The following NUP98 variants were observed in gnomAD, a reference collection of about 807,000 sequenced individuals.
NUP98 encodes the protein nuclear pore complex protein Nup98-Nup96.
NUP98 carries 26 observed loss-of-function variants against 191.9 expected under a neutral mutation model. That is an observed-to-expected ratio of 0.14 (90% CI 0.10 to 0.19). The LOEUF (loss-of-function observed/expected upper bound fraction) is 0.19, where lower values mean the gene tolerates loss of function less well. Ranked by LOEUF, NUP98 falls within the 10% of genes least tolerant of loss-of-function variation. The pLI, the probability that NUP98 is intolerant of heterozygous loss-of-function variation, is 1.00. For synonymous variants in NUP98, 808 were observed against 778.4 expected (o/e 1.04, Z -0.63); for missense variants, 1,941 against 2,178.8 (o/e 0.89, Z 2.17).
intron 12 of NUP98, among the ~76,000 whole-genome samples, chr11:3,740,643 A>C (rs117288718): frequency 0.05 from 7,679 of 152,094 alleles, 254 homozygotes; most frequent in Middle Eastern, 0.096. Flanking sequence ...GAGAAGGGCA[A>C]CTACTGTGGT....
rs368452529 is a variant in NUP98, at chr11:3,677,131, T to A, written c.5074-511A>T. On this transcript the variant is annotated intron_variant, in intron 31 of 32. Coordinates refer to ENST00000324932, the MANE Select transcript of NUP98 (RefSeq NM_016320.5). ...TAAGAAAACACAAAACAGTAATAAA[T>A]CCTGAAAAATCACAAGCCATGTAGA... is the stretch of plus-strand genomic sequence containing the variant. Among the ~76,000 whole-genome samples, 35 of 152,170 alleles carry A rather than the reference T, an allele frequency of 2.3e-4. No individual in the cohort carries two copies. In the South Asian group the frequency reaches 6.6e-3, roughly 29 times the overall value.
chr11:3,776,082 C>T, intron 4 of NUP98, 61 bp from the exon 5 acceptor site: 1 of 1,302,914 alleles, frequency 7.7e-7, no homozygotes, highest in Admixed American at 2.0e-5. Context: ...GTATAAGATG[C>T]ATTGGAATTG....
intron 14 of NUP98, among the ~76,000 whole-genome samples, chr11:3,729,949 T>C (rs1224598770): frequency 2.6e-5 from 4 of 152,080 alleles, no homozygotes; most frequent in Middle Eastern, 3.4e-3. Flanking sequence ...GTATATAAAA[T>C]GCTAGGACAA....
At chr11:3,701,845 C>T (rs2078689707) in intron 23 of NUP98, among the ~76,000 whole-genome samples, 1 of 151,856 alleles carries the variant, frequency 6.6e-6, no homozygotes, top group East Asian at 2.0e-4. Context: ...GCCACAACGC[C>T]CAGCTAATTT....
chr11:3,775,983 T>C lies in NUP98; in HGVS notation c.394A>G (p.Thr132Ala), dbSNP rs1277102942. 1 of 1,613,684 alleles carries C rather than the reference T, an allele frequency of 6.2e-7. No homozygotes were observed. Among genetic ancestry groups the C allele is most frequent in the South Asian group, 1.1e-5 (1 of 91,064 alleles). ...AAAGGATTAGAGGTGGTATTTGTGG[T>C]TCCAAAGAGTCCTCCACTGCTAGTA... ...TSTSSGGLFG[T>A]TNTTSNPFGS... The change falls in exon 5 of 33, where the codon ACC (threonine) becomes GCC (alanine). Residue 132 changes from threonine (T) to alanine (A), a missense_variant. Physicochemically the swap from Thr to Ala is moderately conservative, Grantham distance 58. This residue lies in a region of NUP98 where 154 missense variants were observed against 182.9 expected (regional missense o/e 0.84). Transcript: ENST00000324932.
intron 11 of NUP98, among the ~76,000 whole-genome samples, chr11:3,749,605 CGA>C (rs1274995428): frequency 6.6e-6 from 1 of 151,936 alleles, no homozygotes; most frequent in East Asian, 1.9e-4. Context: ...AGCCTGGCAA[CGA>C]GAGAAACTCG....
intron 30 of NUP98, 76 bp from the exon 31 acceptor site, chr11:3,679,784 GA>G: frequency 1.4e-6 from 2 of 1,405,016 alleles, no homozygotes; most frequent in Non-Finnish European, 1.9e-6. Context: ...ATGGCAGGAA[GA>G]CAGAAAGGAA....
Position 3,782,218 on chromosome 11 carries a change from A to G in NUP98, c.-28-73T>C. 6 of 828,980 alleles carry G rather than the reference A, an allele frequency of 7.2e-6. No individual in the cohort carries two copies. The South Asian group carries it at 8.4e-5, about 12-fold the overall frequency. 51.4% of individuals were successfully genotyped at this position (828,980 alleles called of 1,614,324 possible). On this transcript the variant is annotated intron_variant, in intron 1 of 32. Coordinates refer to ENST00000324932, the MANE Select transcript of NUP98 (RefSeq NM_016320.5). ...ATATAATTGTTTTAGAAAATCTATC[A>G]TTCCACAAACTTAGGCCTATTCGAA...
Position 3,702,459 on chromosome 11 carries a change from T to G in NUP98, c.3512+4A>C. On this transcript the variant is annotated splice_donor_region_variant and intron_variant, in intron 23 of 32. Transcript: ENST00000324932. ...CTCAAAAAGCATCAAGAAATGTGAC[T>G]CACGGTTTAACAGCTACTGGATTGG... 1 of 1,609,540 alleles carries G rather than the reference T, an allele frequency of 6.2e-7. No homozygotes were observed. The highest frequency in any genetic ancestry group is 8.5e-7 in the Non-Finnish European group (1 of 1,176,896).
Position 3,676,101 on chromosome 11 carries a change from C to G in NUP98, c.*58G>C, listed in dbSNP as rs2077799014. 6.6e-7 allele frequency: 1 copy of G among 1,524,426 alleles called. No individual in the cohort carries two copies. Among genetic ancestry groups the G allele is most frequent in the African/African-American group, 1.4e-5 (1 of 73,174 alleles). 94.4% of individuals were successfully genotyped at this position (1,524,426 alleles called of 1,614,324 possible). ...GCAAACAGTGCCAATCCAAACAAGG[C>G]AGGGAACCTCTGTGTGGTGTGAATG... On this transcript the variant is annotated 3_prime_UTR_variant, in exon 33 of 33. Transcript: ENST00000324932.
chr11:3,795,594 G>A (rs1248567953), intron 1 of NUP98, among the ~76,000 whole-genome samples: 1 of 151,984 alleles, frequency 6.6e-6, no homozygotes, highest in Non-Finnish European at 1.5e-5. Flanking sequence ...ATTCATTCAA[G>A]TAAACACACT....
intron 22 of NUP98, among the ~76,000 whole-genome samples, chr11:3,704,405 T>A (rs276899): frequency 0.22 from 33,156 of 152,122 alleles, 3,752 homozygotes; most frequent in East Asian, 0.26. Flanking sequence ...ATCAAATATG[T>A]AATCACTTCC....
rs551511906 is a variant in NUP98 at position 3,699,237 on chromosome 11, C to T, written c.3854G>A (p.Arg1285Gln). 41 of 1,614,148 alleles carry T rather than the reference C, an allele frequency of 2.5e-5. No individual in the cohort carries two copies. The highest frequency in any genetic ancestry group is 6.7e-5 in the Admixed American group (4 of 60,008). The stretch of plus-strand genomic sequence containing the variant: ...TAGCCAGCGGGAGAAAGCTCTTCTT[C>T]GCTCCAGAATTTGAATGTATTCACG... ...EPREYIQILERRRAFSRWLSC... is the reference protein window; with the variant it reads ...EPREYIQILEQRRAFSRWLSC... The change falls in exon 25 of 33, where the codon CGA becomes CAA. Residue 1285 changes from arginine (R) to glutamine (Q), a missense_variant. Coordinates refer to ENST00000324932, the MANE Select transcript of NUP98 (RefSeq NM_016320.5).
chr11:3,703,253 G>A (rs1203385353), intron 22 of NUP98, among the ~76,000 whole-genome samples: 1 of 141,978 alleles, frequency 7.0e-6, no homozygotes, highest in Non-Finnish European at 1.5e-5. Flanking sequence ...GTCTCGCCCT[G>A]TAGCCCAGGC....
intron 11 of NUP98, among the ~76,000 whole-genome samples, chr11:3,746,269 C>CA (rs66773761): frequency 0.014 from 463 of 33,730 alleles, 17 homozygotes; most frequent in African/African-American, 0.019. Flanking sequence ...AACTTTATCT[C>CA]AAAAAAAAAA....
intron 18 of NUP98, among the ~76,000 whole-genome samples, chr11:3,715,303 CA>C (rs1277179902): frequency 2.0e-4 from 30 of 152,150 alleles, no homozygotes; most frequent in African/African-American, 7.0e-4. Flanking sequence ...CCCGCCACAA[CA>C]CCCAGCTAAT....
chr11:3,778,730 C>T (rs1204556623), intron 4 of NUP98, 143 bp downstream of exon 4: 5 of 736,754 alleles, frequency 6.8e-6, no homozygotes, highest in Non-Finnish European at 1.1e-5. Context: ...CTTTTCAGTA[C>T]ATATTGAAGT....
At position 3,758,099 on chromosome 11, in the gene NUP98, T is replaced by C. The variant is rs553790012; in HGVS notation, c.1174+2440A>G. ...TTGGGAGGCCAATGCCGGCAGACCA[T>C]GAGGTCACAACATCGAGACCATCCT... is the stretch of plus-strand genomic sequence containing the variant. On this transcript the variant is annotated intron_variant, in intron 10 of 32. Transcript: ENST00000324932. 1.9e-4 allele frequency among the ~76,000 whole-genome samples: 28 copies of C among 150,486 alleles called. 1 individual carries two copies. The South Asian group carries it at 5.9e-3, about 32-fold the overall frequency.
intron 8 of NUP98, among the ~76,000 whole-genome samples, chr11:3,767,520 CG>C (rs368393272): frequency 1.3e-5 from 2 of 151,376 alleles, no homozygotes; most frequent in African/African-American, 4.9e-5. Context: ...TTAGCAGAGA[CG>C]GGGTTTCACC....
Sources: gnomAD v4.1 joint callset for allele counts (sites outside exome capture counted in the v4.1 genomes callset) on GRCh38, gnomAD v4.1.1 for gene constraint, gnomAD v4.1.1 regional missense constraint, MANE v1.5 for transcripts, NCBI Gene and HGNC (gene_info 2026-07-23, HGNC 2026-07-21) for gene names.